MYO3B: variants seen among roughly 807,000 people sequenced by gnomAD.
MYO3B encodes the protein myosin IIIB.
In MYO3B, 156 loss-of-function variants were observed where a neutral mutation model predicts 174.6. The observed-to-expected ratio is 0.89, with a 90% CI of 0.78 to 1.02. The LOEUF is 1.02. Among genes scored for constraint, MYO3B ranks in the 50% least tolerant of loss-of-function variants. The pLI, the probability that MYO3B is intolerant of heterozygous loss-of-function variation, is 0.00. For missense variants in MYO3B, 1,632 were observed against 1,639.4 expected (o/e 1.00, Z 0.08); for synonymous variants, 563 against 569.1 (o/e 0.99, Z 0.15).
At chr2:170,383,567 T>G (rs930320264) in intron 11 of MYO3B, 143 bp from the exon 12 acceptor site, 1 of 638,300 alleles carries the variant, frequency 1.6e-6, no homozygotes, top group African/African-American at 1.8e-5. Flanking sequence ...AACTCAGTCC[T>G]GCAGGCTCCA....
At chr2:170,428,783 C>T (rs368665845) in intron 22 of MYO3B, among the ~76,000 whole-genome samples, 12 of 152,182 alleles carry the variant, frequency 7.9e-5, no homozygotes, top group Admixed American at 2.0e-4. Flanking sequence ...GACACCATGA[C>T]GGAATGCCAT....
intron 7 of MYO3B, among the ~76,000 whole-genome samples, chr2:170,289,580 T>G (rs1397463917): frequency 6.6e-6 from 1 of 152,038 alleles, no homozygotes; most frequent in African/African-American, 2.4e-5. Flanking sequence ...CTGACTTTAT[T>G]TATTTGGGTA....
chr2:170,348,897 T>C (rs1175023999), intron 8 of MYO3B, among the ~76,000 whole-genome samples: 2 of 152,214 alleles, frequency 1.3e-5, no homozygotes, highest in African/African-American at 2.4e-5. Context: ...TTCCATCTTA[T>C]AGGGGCCAAG....
intron 6 of MYO3B, among the ~76,000 whole-genome samples, chr2:170,231,444 G>A (rs1052725166): frequency 6.6e-6 from 1 of 152,242 alleles, no homozygotes; most frequent in Non-Finnish European, 1.5e-5. Flanking sequence ...AGGTAAAATA[G>A]CTATTGGCCT....
At chr2:170,561,319 G>A (rs78563222) in intron 32 of MYO3B, among the ~76,000 whole-genome samples, 4,087 of 152,298 alleles carry the variant, frequency 0.027, 90 homozygotes, top group Non-Finnish European at 0.038. Context: ...ATGATTAGAG[G>A]ATTGAACATA....
intron 23 of MYO3B, among the ~76,000 whole-genome samples, chr2:170,455,183 G>A (rs1450650956): frequency 6.6e-6 from 1 of 152,216 alleles, no homozygotes; most frequent in Non-Finnish European, 1.5e-5. Flanking sequence ...GTCCTGCAAA[G>A]GCAGTCTAGT....
chr2:170,228,318 C>G (rs1288541340), intron 6 of MYO3B, among the ~76,000 whole-genome samples: 1 of 152,140 alleles, frequency 6.6e-6, no homozygotes, highest in African/African-American at 2.4e-5. Context: ...CTCAGGCCCT[C>G]AGTTTTCTCT....
chr2:170,466,755 C>T (rs773068395), intron 25 of MYO3B, 44 bp downstream of exon 25: 4 of 1,586,424 alleles, frequency 2.5e-6, no homozygotes, highest in Non-Finnish European at 3.4e-6. Flanking sequence ...AAATGTAGCT[C>T]TACTCTGGCC....
At chr2:170,493,483 A>G (rs1157386516) in intron 25 of MYO3B, among the ~76,000 whole-genome samples, 1 of 152,118 alleles carries the variant, frequency 6.6e-6, no homozygotes, top group East Asian at 1.9e-4. Context: ...AAGTCATCTT[A>G]TATCATTAAG....
At chr2:170,489,060 CAA>C (rs1686258755) in intron 25 of MYO3B, among the ~76,000 whole-genome samples, 1 of 152,140 alleles carries the variant, frequency 6.6e-6, no homozygotes, top group Admixed American at 6.5e-5. Context: ...GCCAGAGTGT[CAA>C]AGATACCAGG....
chr2:170,589,215 G>A (rs948799511), intron 32 of MYO3B, among the ~76,000 whole-genome samples: 1 of 152,160 alleles, frequency 6.6e-6, no homozygotes. Context: ...CCCCAACACT[G>A]AAAGGTTTTC....
intron 1 of MYO3B, among the ~76,000 whole-genome samples, chr2:170,189,937 GT>G (rs1260656482): frequency 6.6e-6 from 1 of 152,122 alleles, no homozygotes; most frequent in Non-Finnish European, 1.5e-5. Flanking sequence ...TATTTACTGT[GT>G]TCTTCACAGT....
chr2:170,639,684 G>A (rs1293305969), intron 32 of MYO3B, among the ~76,000 whole-genome samples: 5 of 152,132 alleles, frequency 3.3e-5, no homozygotes, highest in Non-Finnish European at 5.9e-5. Flanking sequence ...TCCTGAGACC[G>A]CAGAGTTTTT....
intron 4 of MYO3B, 103 bp downstream of exon 4, chr2:170,214,586 G>A: frequency 7.4e-7 from 1 of 1,344,674 alleles, no homozygotes; most frequent in Non-Finnish European, 1.1e-6. Flanking sequence ...CCTATGATAT[G>A]CAAGGATTAC....
Position 170,236,091 on chromosome 2 carries a change from C to T in MYO3B, c.704C>T (p.Pro235Leu). 1 of 1,614,066 alleles carries T rather than the reference C, an allele frequency of 6.2e-7. No individual in the cohort carries two copies. The highest frequency in any genetic ancestry group is 8.5e-7 in the Non-Finnish European group (1 of 1,180,030). Reference sequence around the variant, plus strand: ...ATTGAACTGGGGGATGGAGACCCTCCCCTCTTTGACATGCATCCTGTGAAA... The same window carrying T: ...ATTGAACTGGGGGATGGAGACCCTCTCCTCTTTGACATGCATCCTGTGAAA... ...TAIELGDGDPPLFDMHPVKTL... is the reference protein window; with the variant it reads ...TAIELGDGDPLLFDMHPVKTL... Residue 235 changes from proline (P) to leucine (L), a missense_variant, in exon 7 of 35, where the codon CCC (proline) becomes CTC (leucine). Transcript: ENST00000408978.
intron 3 of MYO3B, among the ~76,000 whole-genome samples, chr2:170,202,295 C>A (rs185468288): frequency 6.6e-6 from 1 of 152,272 alleles, no homozygotes; most frequent in Admixed American, 6.5e-5. Flanking sequence ...ATGACTTTTG[C>A]TGGTTGTTTT....
intron 25 of MYO3B, among the ~76,000 whole-genome samples, chr2:170,488,699 T>C (rs1406702351): frequency 6.6e-6 from 1 of 152,202 alleles, no homozygotes; most frequent in Non-Finnish European, 1.5e-5. Context: ...GGAAGTCAAT[T>C]AGAATCATTA....
chr2:170,380,612 T>G (rs962457029), intron 9 of MYO3B, among the ~76,000 whole-genome samples: 16 of 152,334 alleles, frequency 1.1e-4, no homozygotes, highest in African/African-American at 3.8e-4. Flanking sequence ...TACTTTGACC[T>G]TGAATTAATT....
At chr2:170,443,488 T>G (rs577833195) in intron 22 of MYO3B, among the ~76,000 whole-genome samples, 1 of 152,304 alleles carries the variant, frequency 6.6e-6, no homozygotes, top group East Asian at 1.9e-4. Context: ...AGAATCTCTT[T>G]AGTTTAATTA....
Sources: allele counts gnomAD v4.1 joint callset (sites outside exome capture counted in the v4.1 genomes callset), GRCh38; gene constraint gnomAD v4.1.1; transcripts MANE v1.5; gene names NCBI Gene and HGNC (gene_info 2026-07-23, HGNC 2026-07-21).